The following TFDP1 variants were observed in gnomAD, a reference collection of about 807,000 sequenced individuals.
TFDP1 encodes the protein DRTF1-polypeptide 1.
TFDP1 carries 6 observed loss-of-function variants against 48.0 expected under a neutral mutation model. The observed-to-expected ratio is 0.13, with a 90% CI of 0.07 to 0.25. The LOEUF is 0.25. Among genes scored for constraint, TFDP1 ranks in the 10% least tolerant of loss-of-function variants. The pLI is 1.00. For synonymous variants in TFDP1, 201 were observed against 211.6 expected (o/e 0.95, Z 0.44); for missense variants, 335 against 543.0 (o/e 0.62, Z 3.81).
At chr13:113,586,501 C>T (rs2048007435) in intron 2 of TFDP1, among the ~76,000 whole-genome samples, 1 of 152,176 alleles carries the variant, frequency 6.6e-6, no homozygotes, top group Non-Finnish European at 1.5e-5. Flanking sequence ...CTTTACCGTG[C>T]TTGGTTATGT....
chr13:113,615,341 C>T (rs564330940), intron 3 of TFDP1, among the ~76,000 whole-genome samples: 1 of 152,216 alleles, frequency 6.6e-6, no homozygotes, highest in African/African-American at 2.4e-5. Flanking sequence ...CATATCATGC[C>T]TACGGCCCCG....
At position 113,627,396 on chromosome 13, in the gene TFDP1, C is replaced by T. The variant is rs2049210038; in HGVS notation, c.186+4110C>T. ...TGAGCCCCTGGGGAGAAGCAGCCCCCCACCCAGGCCTGTGTCCCAGAAGTC... is the reference window on the plus strand; with the variant it reads ...TGAGCCCCTGGGGAGAAGCAGCCCCTCACCCAGGCCTGTGTCCCAGAAGTC... On this transcript the variant is annotated intron_variant, in intron 4 of 11. Transcript: ENST00000375370. The surrounding 1 kb of genome is among the most constrained non-coding windows in gnomAD (Gnocchi z 4.1). Among the ~76,000 whole-genome samples the T allele has an allele frequency of 6.6e-6, 1 of 152,166 alleles. No individual in the cohort carries two copies. The highest frequency in any genetic ancestry group is 2.1e-4 in the South Asian group (1 of 4,826).
intron 2 of TFDP1, among the ~76,000 whole-genome samples, chr13:113,592,282 A>G (rs1029649915): frequency 6.6e-6 from 1 of 152,178 alleles, no homozygotes; most frequent in African/African-American, 2.4e-5. Context: ...CAGCCTCCCA[A>G]GTAGCTGGGA....
At position 113,623,300 on chromosome 13, in the gene TFDP1, A is replaced by G; in HGVS notation, c.186+14A>G. The stretch of plus-strand genomic sequence containing the variant: ...GCCCAGCAAGTGGTAAGCCTCCCGC[A>G]GGAGCGGACAGCCGGGATCTCGGTG... On this transcript the variant is annotated intron_variant, in intron 4 of 11. Coordinates refer to ENST00000375370, the MANE Select transcript of TFDP1 (RefSeq NM_007111.5). The surrounding 1 kb of genome is among the most constrained non-coding windows in gnomAD (Gnocchi z 5.2). The G allele has an allele frequency of 1.9e-6, 3 of 1,596,756 alleles. No homozygotes were observed. Among genetic ancestry groups the G allele is most frequent in the Non-Finnish European group, 2.6e-6 (3 of 1,171,432 alleles).
At chr13:113,625,735 ACG>A in intron 4 of TFDP1, among the ~76,000 whole-genome samples, 1 of 44,810 alleles carries the variant, frequency 2.2e-5, no homozygotes. Context: ...GGCGTCTCTC[ACG>A]TGTCCTCAGG....
At chr13:113,613,834 ATG>A (rs2048780104) in intron 3 of TFDP1, among the ~76,000 whole-genome samples, 2 of 149,890 alleles carry the variant, frequency 1.3e-5, no homozygotes, top group African/African-American at 4.9e-5. Context: ...TGGGTTGCAT[ATG>A]TGTTGAGTGT....
rs532653944 is a variant in TFDP1, at chr13:113,613,233, T to C, written c.79+2171T>C. Among the ~76,000 whole-genome samples the C allele has an allele frequency of 7.9e-5, 12 of 152,266 alleles. 1 individual carries two copies. The highest frequency in any genetic ancestry group is 2.0e-4 in the Admixed American group (3 of 15,298). On this transcript the variant is annotated intron_variant, in intron 3 of 11. Transcript: ENST00000375370. ...GTTTCACCATGTTGGTCAGACTGGT[T>C]TCGAACTCCTGACATCATGATCCGC...
At chr13:113,615,114 C>T (rs185372701) in intron 3 of TFDP1, among the ~76,000 whole-genome samples, 233 of 152,326 alleles carry the variant, frequency 1.5e-3, no homozygotes, top group African/African-American at 5.3e-3. Context: ...CCACAGGCTC[C>T]CCAAGGATGG....
At chr13:113,639,473 C>T (rs982538182) in intron 11 of TFDP1, among the ~76,000 whole-genome samples, 21 of 152,218 alleles carry the variant, frequency 1.4e-4, no homozygotes, top group African/African-American at 4.6e-4. Flanking sequence ...CTGAATTTCT[C>T]GCCATTTCTG....
At chr13:113,590,813 A>C (rs555640515) in intron 2 of TFDP1, among the ~76,000 whole-genome samples, 1 of 152,106 alleles carries the variant, frequency 6.6e-6, no homozygotes, top group South Asian at 2.1e-4. Context: ...GATTGAGACC[A>C]TCCTGGCTAA....
intron 2 of TFDP1, among the ~76,000 whole-genome samples, chr13:113,591,380 A>G (rs111278076): frequency 6.6e-6 from 1 of 152,104 alleles, no homozygotes; most frequent in Non-Finnish European, 1.5e-5. Flanking sequence ...CCCCTAAAAC[A>G]TGCTTTAAAA....
At chr13:113,628,863 G>A (rs73577488) in intron 4 of TFDP1, among the ~76,000 whole-genome samples, 3,770 of 152,304 alleles carry the variant, frequency 0.025, 156 homozygotes, top group African/African-American at 0.086. Flanking sequence ...GCTGTTGAGT[G>A]TGGCTCCTGG....
intron 4 of TFDP1, among the ~76,000 whole-genome samples, chr13:113,625,478 CTCAGGT>C: frequency 2.0e-5 from 2 of 99,564 alleles, no homozygotes; most frequent in Non-Finnish European, 1.9e-5. Context: ...TCAGGTGTTT[CTCAGGT>C]GTCTCTCACG....
intron 4 of TFDP1, among the ~76,000 whole-genome samples, chr13:113,625,953 C>G (rs1203794999): frequency 1.4e-5 from 2 of 144,728 alleles, no homozygotes; most frequent in African/African-American, 2.6e-5. Context: ...GCGTCTCTCA[C>G]GTGTCCTCAG....
chr13:113,604,827 G>A (rs778825040), intron 2 of TFDP1, among the ~76,000 whole-genome samples: 23 of 152,188 alleles, frequency 1.5e-4, no homozygotes, highest in Non-Finnish European at 3.2e-4. Context: ...CGGGGGTCTG[G>A]TGCTGTTGTC....
intron 3 of TFDP1, among the ~76,000 whole-genome samples, chr13:113,615,136 T>C (rs1282539172): frequency 6.6e-6 from 1 of 152,152 alleles, no homozygotes; most frequent in East Asian, 1.9e-4. Flanking sequence ...AGTCCCAATG[T>C]GGAGGTTTGG....
At chr13:113,585,924 T>C in intron 2 of TFDP1, 75 bp downstream of exon 2, 1 of 1,512,828 alleles carries the variant, frequency 6.6e-7, no homozygotes, top group South Asian at 1.2e-5. Context: ...TGCCTTTATT[T>C]CAGAATGACA....
chr13:113,634,992 G>A (rs1414109096), intron 8 of TFDP1, among the ~76,000 whole-genome samples: 1 of 152,208 alleles, frequency 6.6e-6, no homozygotes, highest in South Asian at 2.1e-4. Context: ...AAGACAGATG[G>A]AGGGATGACT....
chr13:113,599,646 A>C (rs1209863305), intron 2 of TFDP1, among the ~76,000 whole-genome samples: 1 of 152,214 alleles, frequency 6.6e-6, no homozygotes, highest in Non-Finnish European at 1.5e-5. Flanking sequence ...CCTGATAGCC[A>C]GTCCCCACGG....
Sources: allele counts gnomAD v4.1 joint callset (sites outside exome capture counted in the v4.1 genomes callset), GRCh38; gene constraint gnomAD v4.1.1; non-coding constraint Gnocchi (gnomAD v3.1); transcripts MANE v1.5; gene names NCBI Gene and HGNC (gene_info 2026-07-23, HGNC 2026-07-21).